Variants in DRC8 observed in about 807,000 individuals in gnomAD.
DRC8 encodes dynein regulatory complex protein 8.
At chr1:245,072,834 G>A in the DRC8 span, among the ~76,000 whole-genome samples, 2,550 of 152,130 alleles carry the variant, frequency 0.017, 53 homozygotes, top group African/African-American at 0.056. Flanking sequence ...TTAAAACTGC[G>A]TGGCTCCTCC....
At chr1:245,024,314 T>G in the DRC8 span, among the ~76,000 whole-genome samples, 1 of 152,210 alleles carries the variant, frequency 6.6e-6, no homozygotes, top group African/African-American at 2.4e-5. Context: ...ATGCATATCA[T>G]CTCACAAAAG....
chr1:245,114,272 G>A, the DRC8 span, among the ~76,000 whole-genome samples: 4 of 152,008 alleles, frequency 2.6e-5, no homozygotes, highest in Non-Finnish European at 5.9e-5. Flanking sequence ...AGAGCAGCCT[G>A]GCCGATATGG....
At chr1:245,056,548 A>G in the DRC8 span, among the ~76,000 whole-genome samples, 2 of 152,250 alleles carry the variant, frequency 1.3e-5, no homozygotes, top group Non-Finnish European at 2.9e-5. Flanking sequence ...CTTCCCTAGA[A>G]AAGCCCTGTC....
chr1:244,998,166 A>C, the DRC8 span, among the ~76,000 whole-genome samples: 4 of 151,842 alleles, frequency 2.6e-5, no homozygotes, highest in Non-Finnish European at 5.9e-5. Flanking sequence ...ACCATCTCCT[A>C]ATTTCCAGAG....
At chr1:245,071,563 A>T in the DRC8 span, among the ~76,000 whole-genome samples, 1 of 152,232 alleles carries the variant, frequency 6.6e-6, no homozygotes. Context: ...ATTGGCAAAG[A>T]GTTTCTAAAA....
chr1:244,997,040 T>C, the DRC8 span, among the ~76,000 whole-genome samples: 1 of 152,206 alleles, frequency 6.6e-6, no homozygotes, highest in East Asian at 1.9e-4. Context: ...AAATGCTGTA[T>C]AAATAGTTTT....
chr1:245,050,319 C>T, the DRC8 span, among the ~76,000 whole-genome samples: 5 of 151,988 alleles, frequency 3.3e-5, no homozygotes, highest in South Asian at 6.2e-4. Context: ...AGGCTGGTCT[C>T]GAACTCCTGA....
the DRC8 span, chr1:244,970,214 C>A: frequency 1.3e-6 from 1 of 756,696 alleles, no homozygotes; most frequent in Non-Finnish European, 2.3e-6. Context: ...GGTCTTCCCC[C>A]AGCGCGAGGG....
the DRC8 span, among the ~76,000 whole-genome samples, chr1:245,111,269 A>T: frequency 6.6e-6 from 1 of 152,112 alleles, no homozygotes; most frequent in African/African-American, 2.4e-5. Context: ...AGACCACCAA[A>T]TGCATGTGGG....
chr1:244,989,388 A>C, the DRC8 span, among the ~76,000 whole-genome samples: 1 of 152,152 alleles, frequency 6.6e-6, no homozygotes, highest in East Asian at 1.9e-4. Context: ...ATCGTTTCTC[A>C]GGTTTTCCTT....
chr1:244,973,085 TAA>T, the DRC8 span, among the ~76,000 whole-genome samples: 1 of 152,180 alleles, frequency 6.6e-6, no homozygotes, highest in Non-Finnish European at 1.5e-5. Flanking sequence ...CAGAATTGAT[TAA>T]GTTTTGAGGA....
chr1:245,092,279 GGCTAGTTGGGATTAC>G, the DRC8 span, among the ~76,000 whole-genome samples: 13 of 152,230 alleles, frequency 8.5e-5, no homozygotes, highest in African/African-American at 2.7e-4. Flanking sequence ...CAAGATAGCA[GGCTAGTTGGGATTAC>G]GACTGTTCGT....
chr1:245,122,087 CG>C, the DRC8 span: 1 of 261,480 alleles, frequency 3.8e-6, no homozygotes, highest in Admixed American at 5.3e-5. Flanking sequence ...TTAGTAGAGA[CG>C]GGGTTTCACC....
the DRC8 span, among the ~76,000 whole-genome samples, chr1:245,047,164 C>T: frequency 6.6e-6 from 1 of 152,212 alleles, no homozygotes; most frequent in African/African-American, 2.4e-5. Flanking sequence ...GAGCACTGAT[C>T]TCCCCTACCG....
chr1:245,117,279 C>T, the DRC8 span, among the ~76,000 whole-genome samples: 630 of 152,162 alleles, frequency 4.1e-3, 4 homozygotes, highest in Non-Finnish European at 7.5e-3. Flanking sequence ...GTCTCGAACT[C>T]CTGACCTCAA....
At chr1:245,066,092 G>A in the DRC8 span, among the ~76,000 whole-genome samples, 1 of 151,372 alleles carries the variant, frequency 6.6e-6, no homozygotes, top group Non-Finnish European at 1.5e-5. Context: ...CTAGATTATT[G>A]CCACTCATCC....
the DRC8 span, among the ~76,000 whole-genome samples, chr1:245,063,791 G>A: frequency 2.6e-5 from 4 of 152,188 alleles, no homozygotes; most frequent in East Asian, 1.9e-4. Flanking sequence ...GCACAATCTC[G>A]GCTCACTGCA....
the DRC8 span, among the ~76,000 whole-genome samples, chr1:244,987,976 C>T: frequency 3.2e-4 from 48 of 152,146 alleles, no homozygotes; most frequent in African/African-American, 1.2e-3. Flanking sequence ...ATGACTGCTC[C>T]TTTGTATTTA....
At chr1:245,110,693 A>G in the DRC8 span, among the ~76,000 whole-genome samples, 1 of 152,392 alleles carries the variant, frequency 6.6e-6, no homozygotes, top group South Asian at 2.1e-4. Flanking sequence ...AAACATACAA[A>G]CAAAAATTCT....
Sources: allele counts gnomAD v4.1 joint callset (sites outside exome capture counted in the v4.1 genomes callset), GRCh38; gene constraint gnomAD v4.1.1; transcripts MANE v1.5; gene names NCBI Gene and HGNC (gene_info 2026-07-23, HGNC 2026-07-21).